SVIL: variants seen among roughly 807,000 people sequenced by gnomAD.
SVIL encodes supervillin.
A neutral mutation model predicts 240.4 loss-of-function variants in SVIL; 101 were observed. The ratio of observed to expected loss-of-function variants is 0.42; its 90% CI spans 0.36 to 0.50. The LOEUF (loss-of-function observed/expected upper bound fraction) is 0.50. Among genes scored for constraint, SVIL ranks in the 20% least tolerant of loss-of-function variants. The pLI, the probability that SVIL is intolerant of heterozygous loss-of-function variation, is 0.01. For synonymous variants in SVIL, 999 were observed against 1,100.0 expected (o/e 0.91, Z 1.82); for missense variants, 2,512 against 2,818.7 (o/e 0.89, Z 2.46).
Position 29,532,828 on chromosome 10 carries a change from G to T in SVIL, c.1539C>A (p.Ser513Arg), listed in dbSNP as rs780853845. Residue 513 changes from serine to arginine, a missense_variant, in exon 8 of 38, where the codon AGC becomes AGA. By Grantham distance (110) the Ser-to-Arg change is moderately radical. This residue lies in a region of SVIL where 1,443 missense variants were observed against 1,486.6 expected (regional missense o/e 0.97). Transcript: ENST00000355867. Reference protein sequence around the residue: ...PHQPTERTGRSEMVLYIQSEP... With the variant: ...PHQPTERTGRREMVLYIQSEP... Reference sequence around the variant, plus strand: ...CACTTTGAATGTAGAGAACCATCTCGCTCCTGCCTGTCCTCTCAGTGGGCT... The same window carrying T: ...CACTTTGAATGTAGAGAACCATCTCTCTCCTGCCTGTCCTCTCAGTGGGCT... The T allele has an allele frequency of 1.2e-6, 2 of 1,614,134 alleles. No homozygotes were observed. Among genetic ancestry groups the T allele is most frequent in the Non-Finnish European group, 1.7e-6 (2 of 1,180,030 alleles).
At chr10:29,662,220 A>G (rs1334376927) in intron 2 of SVIL, among the ~76,000 whole-genome samples, 1 of 152,186 alleles carries the variant, frequency 6.6e-6, no homozygotes, top group Non-Finnish European at 1.5e-5. Context: ...CCCCGGTCTC[A>G]TACAAATCTT....
intron 1 of SVIL, among the ~76,000 whole-genome samples, chr10:29,616,508 T>C (rs1396541571): frequency 6.6e-6 from 1 of 152,174 alleles, no homozygotes; most frequent in Admixed American, 6.5e-5. Context: ...AATCTGATAT[T>C]AGGATTTATT....
At chr10:29,561,690 G>C (rs1396661429) in intron 3 of SVIL, among the ~76,000 whole-genome samples, 12 of 151,894 alleles carry the variant, frequency 7.9e-5, no homozygotes, top group Non-Finnish European at 1.8e-4. Context: ...CTGGACACGA[G>C]GCCACTGGCT....
chr10:29,645,434 G>A (rs1958623599), intron 3 of SVIL, among the ~76,000 whole-genome samples: 1 of 152,110 alleles, frequency 6.6e-6, no homozygotes, highest in African/African-American at 2.4e-5. Flanking sequence ...GTCAGGTGTG[G>A]TGGCGGGCTC....
chr10:29,531,291 A>G lies in SVIL; in HGVS notation c.2010-3T>C. The stretch of plus-strand genomic sequence containing the variant: ...GCGTTTCTGAATGTGAAGTGCACCT[A>G]GGAAAGACATTAGCAAATAACAATA... On this transcript the variant is annotated splice_polypyrimidine_tract_variant and splice_region_variant and intron_variant, in intron 9 of 37. Transcript: ENST00000355867. The G allele has an allele frequency of 6.2e-7, 1 of 1,613,670 alleles. No individual in the cohort carries two copies.
At chr10:29,700,536 T>TC (rs1463454880) in intron 1 of SVIL, among the ~76,000 whole-genome samples, 1 of 144,910 alleles carries the variant, frequency 6.9e-6, no homozygotes, top group Non-Finnish European at 1.5e-5. Context: ...AGTAGTGCGA[T>TC]CTCAGCTCAC....
At chr10:29,552,232 T>A (rs947825611) in intron 5 of SVIL, among the ~76,000 whole-genome samples, 1 of 152,000 alleles carries the variant, frequency 6.6e-6, no homozygotes, top group Admixed American at 6.6e-5. Context: ...TAGTTATTAA[T>A]GTTCTATAAA....
At chr10:29,549,449 T>C (rs182728265) in intron 6 of SVIL, among the ~76,000 whole-genome samples, 4,215 of 119,776 alleles carry the variant, frequency 0.035, 922 homozygotes, top group African/African-American at 0.13. Context: ...TCAACCATTG[T>C]GGAAGTCAGT....
rs1218638363 is a variant in SVIL at position 29,684,423 on chromosome 10, C to G, written c.-301+2130G>C. Reference sequence around the variant, plus strand: ...CATGGAAGGTATACACTGGTTCGATCCAGAAAGGCGGGACAACTTGGGGGG... The same window carrying G: ...CATGGAAGGTATACACTGGTTCGATGCAGAAAGGCGGGACAACTTGGGGGG... On this transcript the variant is annotated intron_variant, in intron 2 of 35. Transcript: ENST00000375400. 2.0e-5 allele frequency among the ~76,000 whole-genome samples: 3 copies of G among 151,914 alleles called. No individual in the cohort carries two copies. The East Asian group carries it at 5.8e-4, about 29-fold the overall frequency.
At chr10:29,607,282 C>T (rs1475622440) in intron 1 of SVIL, among the ~76,000 whole-genome samples, 1 of 152,142 alleles carries the variant, frequency 6.6e-6, no homozygotes. Flanking sequence ...ATTCACTTGC[C>T]AGTACCACAT....
At chr10:29,694,231 CAAAAA>C (rs61095076) in intron 1 of SVIL, among the ~76,000 whole-genome samples, 6 of 99,856 alleles carry the variant, frequency 6.0e-5, no homozygotes, top group African/African-American at 1.5e-4. Context: ...CTGTGTCTAC[CAAAAA>C]AAAAAAAAAA....
chr10:29,527,122 A>T (rs1950977191), intron 12 of SVIL, 66 bp from the exon 13 acceptor site: 2 of 1,385,568 alleles, frequency 1.4e-6, no homozygotes, highest in Non-Finnish European at 2.0e-6. Context: ...CATTAAGGAC[A>T]GCATAGTTTT....
chr10:29,475,183 G>A (rs190299792), intron 29 of SVIL, among the ~76,000 whole-genome samples: 41 of 152,260 alleles, frequency 2.7e-4, no homozygotes, highest in East Asian at 2.3e-3. Context: ...GCGTCACCAT[G>A]TCTGGCTAAT....
At chr10:29,490,693 T>G (rs1484738288) in intron 22 of SVIL, among the ~76,000 whole-genome samples, 154 bp downstream of exon 22, 2 of 152,218 alleles carry the variant, frequency 1.3e-5, no homozygotes, top group Non-Finnish European at 2.9e-5. Context: ...TCTAGGTGCG[T>G]GCACATGTAT....
intron 17 of SVIL, among the ~76,000 whole-genome samples, chr10:29,506,443 C>T (rs980996013): frequency 9.2e-5 from 14 of 152,128 alleles, no homozygotes; most frequent in Admixed American, 4.6e-4. Flanking sequence ...TGTGAAGAGG[C>T]GAGATGACTA....
intron 1 of SVIL, among the ~76,000 whole-genome samples, chr10:29,688,502 G>A (rs4749479): frequency 0.11 from 16,652 of 152,292 alleles, 1,092 homozygotes; most frequent in Admixed American, 0.2. Context: ...CTTGGCAGCA[G>A]CAAAAGCCAA....
intron 32 of SVIL, among the ~76,000 whole-genome samples, chr10:29,468,218 A>G (rs1945148082): frequency 6.6e-6 from 1 of 151,968 alleles, no homozygotes; most frequent in African/African-American, 2.4e-5. Context: ...GGAATTATAT[A>G]ATATATGTTC....
chr10:29,523,444 C>G lies in SVIL; in HGVS notation c.3163+7G>C. 6.3e-7 allele frequency: 1 copy of G among 1,585,848 alleles called. No individual in the cohort carries two copies. Among genetic ancestry groups the G allele is most frequent in the Non-Finnish European group, 8.6e-7 (1 of 1,166,344 alleles). ...TTTCTAAAGCTTTAGGGGCACTGGT[C>G]ACTTACCTCTTAGTGAAAACTTCCT... On this transcript the variant is annotated splice_region_variant and intron_variant, in intron 15 of 37. Coordinates refer to ENST00000355867, the MANE Select transcript of SVIL (RefSeq NM_021738.3).
Position 29,533,477 on chromosome 10 carries a change from A to G in SVIL, c.909-19T>C, listed in dbSNP as rs1951525151. The G allele has an allele frequency of 1.2e-6, 2 of 1,603,208 alleles. No individual in the cohort carries two copies. Among genetic ancestry groups the G allele is most frequent in the Non-Finnish European group, 1.7e-6 (2 of 1,173,656 alleles). On this transcript the variant is annotated intron_variant, in intron 7 of 37. Transcript: ENST00000355867. ...TTTAACTCTTTAAGAAAGAAAAAGGATTTAAGTTGCAAAGTGCAGTAACGG... is the reference window on the plus strand; with the variant it reads ...TTTAACTCTTTAAGAAAGAAAAAGGGTTTAAGTTGCAAAGTGCAGTAACGG...
Sources: gnomAD v4.1 joint callset for allele counts (sites outside exome capture counted in the v4.1 genomes callset) on GRCh38, gnomAD v4.1.1 for gene constraint, gnomAD v4.1.1 regional missense constraint, MANE v1.5 for transcripts, NCBI Gene and HGNC (gene_info 2026-07-23, HGNC 2026-07-21) for gene names.